SOX6: variants seen among roughly 807,000 people sequenced by gnomAD.
SOX6 encodes the protein transcription factor SOX-6.
SOX6 carries 11 observed loss-of-function variants against 97.8 expected under a neutral mutation model. The ratio of observed to expected loss-of-function variants is 0.11; its 90% CI spans 0.07 to 0.19. The LOEUF (loss-of-function observed/expected upper bound fraction) is 0.19. SOX6 is among the 10% of genes least tolerant of loss of function. The pLI is 1.00. For synonymous variants in SOX6, 360 were observed against 371.4 expected (o/e 0.97, Z 0.35); for missense variants, 810 against 1,039.5 (o/e 0.78, Z 3.04).
chr11:16,516,271 G>A (rs1860969727), intron 4 of SOX6, among the ~76,000 whole-genome samples: 1 of 151,868 alleles, frequency 6.6e-6, no homozygotes, highest in Non-Finnish European at 1.5e-5. Context: ...CACATCCCTT[G>A]TAAGTTGGAT....
intron 6 of SOX6, among the ~76,000 whole-genome samples, chr11:16,147,019 T>C (rs991329633): frequency 2.0e-5 from 3 of 152,084 alleles, no homozygotes; most frequent in East Asian, 1.9e-4. Context: ...ACCCAAAGGA[T>C]TATAAATCAT....
At chr11:16,622,195 G>A (rs1848553972) in intron 3 of SOX6, among the ~76,000 whole-genome samples, 1 of 152,110 alleles carries the variant, frequency 6.6e-6, no homozygotes, top group Non-Finnish European at 1.5e-5. Flanking sequence ...TCTTTTAAGT[G>A]TTACTTTTGG....
At chr11:16,344,907 C>T (rs1045998749) in intron 1 of SOX6, among the ~76,000 whole-genome samples, 4 of 151,764 alleles carry the variant, frequency 2.6e-5, no homozygotes, top group African/African-American at 7.3e-5. Context: ...ACTAAAGCAG[C>T]GCAAATGTTG....
intron 4 of SOX6, among the ~76,000 whole-genome samples, chr11:16,597,159 A>G (rs1025639966): frequency 5.9e-5 from 9 of 152,110 alleles, no homozygotes; most frequent in South Asian, 2.1e-4. Context: ...GGCAATGAAT[A>G]TGAAGGCACT....
At chr11:16,565,863 A>G (rs1394366473) in intron 4 of SOX6, among the ~76,000 whole-genome samples, 4 of 152,000 alleles carry the variant, frequency 2.6e-5, no homozygotes, top group East Asian at 1.9e-4. Flanking sequence ...TTGGGAGGCC[A>G]AGGTGGGCAG....
At chr11:16,210,987 C>T (rs1184902554) in intron 4 of SOX6, among the ~76,000 whole-genome samples, 1 of 152,074 alleles carries the variant, frequency 6.6e-6, no homozygotes, top group Non-Finnish European at 1.5e-5. Flanking sequence ...TTTGAAAGAG[C>T]TTAAAACATG....
chr11:16,524,765 T>C (rs1169633289), intron 4 of SOX6, among the ~76,000 whole-genome samples: 1 of 152,226 alleles, frequency 6.6e-6, no homozygotes, highest in African/African-American at 2.4e-5. Context: ...CCTTAGCTGA[T>C]AAGCAACTTC....
At chr11:16,723,040 G>C (rs1028963541) in intron 2 of SOX6, among the ~76,000 whole-genome samples, 1 of 152,120 alleles carries the variant, frequency 6.6e-6, no homozygotes, top group Non-Finnish European at 1.5e-5. Context: ...TTTCATTGCA[G>C]TACTATTCAC....
intron 3 of SOX6, among the ~76,000 whole-genome samples, chr11:16,703,346 T>C (rs1848108712): frequency 6.6e-6 from 1 of 152,200 alleles, no homozygotes; most frequent in Non-Finnish European, 1.5e-5. Context: ...TATGAATGTA[T>C]AATGTCTTGC....
chr11:16,392,579 T>TCA (rs1858217685), intron 1 of SOX6, among the ~76,000 whole-genome samples: 2 of 152,098 alleles, frequency 1.3e-5, no homozygotes, highest in African/African-American at 4.8e-5. Context: ...TTCTTCCAAA[T>TCA]GCAGATTAAA....
At chr11:16,136,469 T>C (rs1171905635) in intron 6 of SOX6, among the ~76,000 whole-genome samples, 2 of 150,754 alleles carry the variant, frequency 1.3e-5, no homozygotes, top group Non-Finnish European at 1.5e-5. Context: ...GGTGGAATCA[T>C]AGCTCACTGC....
chr11:16,457,974 T>G (rs796626855), intron 1 of SOX6, among the ~76,000 whole-genome samples: 1 of 151,988 alleles, frequency 6.6e-6, no homozygotes, highest in South Asian at 2.1e-4. Flanking sequence ...TCACAGGAAC[T>G]TGATGGTGAT....
chr11:16,026,872 A>C (rs1268234606), intron 12 of SOX6, among the ~76,000 whole-genome samples: 1 of 152,212 alleles, frequency 6.6e-6, no homozygotes, highest in Non-Finnish European at 1.5e-5. Flanking sequence ...AAATGAGTTT[A>C]AAAGAAGAAG....
intron 3 of SOX6, among the ~76,000 whole-genome samples, chr11:16,676,060 C>G (rs947882099): frequency 2.0e-5 from 3 of 152,048 alleles, no homozygotes; most frequent in Non-Finnish European, 2.9e-5. Flanking sequence ...CTATGCATAA[C>G]AGTCCCACAG....
At chr11:16,330,196 TA>T (rs1590130720) in intron 2 of SOX6, among the ~76,000 whole-genome samples, 1 of 152,314 alleles carries the variant, frequency 6.6e-6, no homozygotes, top group East Asian at 1.9e-4. Context: ...TCATGCCATG[TA>T]AGCAGAGCTT....
At chr11:16,496,276 T>A (rs1860593781) in intron 4 of SOX6, among the ~76,000 whole-genome samples, 1 of 148,870 alleles carries the variant, frequency 6.7e-6, no homozygotes, top group African/African-American at 2.5e-5. Context: ...TTCAAAATAA[T>A]GATATTACAG....
chr11:16,633,547 TGTAA>T (rs1407231517), intron 3 of SOX6, among the ~76,000 whole-genome samples: 5 of 152,262 alleles, frequency 3.3e-5, no homozygotes, highest in African/African-American at 4.8e-5. Flanking sequence ...AAGCTGTGGG[TGTAA>T]GTGAGTTTCC....
chr11:16,293,185 C>T (rs1050321402), intron 3 of SOX6, among the ~76,000 whole-genome samples: 1 of 152,062 alleles, frequency 6.6e-6, no homozygotes, highest in African/African-American at 2.4e-5. Context: ...TTTTATAGTA[C>T]AGCCATCATG....
rs1429498713 is a variant in SOX6 at position 16,209,777 on chromosome 11, T to TA, written c.536-22823_536-22822insT. Reference sequence around the variant, plus strand: ...CAAAAAAAAGAAAAAATTATATATATTTTTTTTTCTGGAAAAATAAATACA... The same window carrying TA: ...CAAAAAAAAGAAAAAATTATATATATATTTTTTTTCTGGAAAAATAAATACA... On this transcript the variant is annotated intron_variant, in intron 4 of 15. Coordinates refer to ENST00000683767, the MANE Select transcript of SOX6 (RefSeq NM_001367873.1). 4.8e-4 allele frequency among the ~76,000 whole-genome samples: 72 copies of TA among 151,046 alleles called. No homozygotes were observed. The South Asian group carries it at 0.01, about 21-fold the overall frequency.
Sources: gnomAD v4.1 joint callset for allele counts (sites outside exome capture counted in the v4.1 genomes callset) on GRCh38, gnomAD v4.1.1 for gene constraint, MANE v1.5 for transcripts, NCBI Gene and HGNC (gene_info 2026-07-23, HGNC 2026-07-21) for gene names.